APP: variants seen among roughly 807,000 people sequenced by gnomAD.
The protein encoded by APP is amyloid beta precursor protein.
APP carries 31 observed loss-of-function variants against 101.4 expected under a neutral mutation model. The observed-to-expected ratio is 0.31, with a 90% CI of 0.23 to 0.41. The LOEUF (loss-of-function observed/expected upper bound fraction) is 0.41, where lower values mean the gene tolerates loss of function less well. Among genes scored for constraint, APP ranks in the 10% least tolerant of loss-of-function variants. The pLI is 1.00. For synonymous variants in APP, 366 were observed against 364.4 expected (o/e 1.00, Z -0.05); for missense variants, 839 against 1,003.7 (o/e 0.84, Z 2.22).
At chr21:26,033,535 TGGA>T (rs1161984459) in intron 5 of APP, among the ~76,000 whole-genome samples, 1 of 152,038 alleles carries the variant, frequency 6.6e-6, no homozygotes, top group African/African-American at 2.4e-5. Flanking sequence ...CTCAGTATGG[TGGA>T]GGAGGGGGTG....
intron 8 of APP, among the ~76,000 whole-genome samples, chr21:25,995,112 G>A (rs535375982): frequency 7.2e-5 from 11 of 152,138 alleles, no homozygotes; most frequent in Non-Finnish European, 1.2e-4. Context: ...TGGAACAGTG[G>A]ATGATGAAAG....
At chr21:26,129,943 A>AT (rs1403061998) in intron 1 of APP, among the ~76,000 whole-genome samples, 1 of 152,244 alleles carries the variant, frequency 6.6e-6, no homozygotes, top group African/African-American at 2.4e-5. Context: ...AGTACTACAC[A>AT]TGCCTTGTGA....
intron 15 of APP, among the ~76,000 whole-genome samples, chr21:25,899,550 TCA>T (rs1382836939): frequency 2.6e-5 from 4 of 152,072 alleles, no homozygotes; most frequent in Admixed American, 6.6e-5. Context: ...ATTACAGAGT[TCA>T]CATGGTAAGA....
At chr21:26,116,586 TA>T (rs1295922374) in intron 1 of APP, among the ~76,000 whole-genome samples, 3 of 152,148 alleles carry the variant, frequency 2.0e-5, no homozygotes, top group African/African-American at 7.2e-5. Context: ...CAAAATTCCT[TA>T]TAGAGCAGGC....
intron 13 of APP, among the ~76,000 whole-genome samples, chr21:25,928,148 T>A (rs568982686): frequency 5.9e-5 from 9 of 152,090 alleles, no homozygotes; most frequent in Non-Finnish European, 1.2e-4. Flanking sequence ...ATCGACACCA[T>A]CCTGGCTAAC....
At chr21:25,987,073 G>A (rs1047926660) in intron 8 of APP, among the ~76,000 whole-genome samples, 1 of 152,186 alleles carries the variant, frequency 6.6e-6, no homozygotes, top group Non-Finnish European at 1.5e-5. Flanking sequence ...GTTTTGTTTT[G>A]TTAATGAGCA....
intron 15 of APP, among the ~76,000 whole-genome samples, chr21:25,903,269 T>C (rs2146289946): frequency 6.8e-6 from 1 of 147,130 alleles, no homozygotes; most frequent in East Asian, 2.0e-4. Flanking sequence ...CTTGAGAGGC[T>C]GGGGCACAAG....
In APP at chr21:25,881,774, GA is replaced by G; in HGVS notation, c.2212-4del. 1 of 1,613,106 alleles carries G rather than the reference GA, an allele frequency of 6.2e-7. No individual in the cohort carries two copies. Among genetic ancestry groups the G allele is most frequent in the South Asian group, 1.1e-5 (1 of 91,038 alleles). ...TCTGGGGTGACAGCGGCGTCAACCT[GA>G]AAAACAAGAGGAGAGCTGAGTAAAA... On this transcript the variant is annotated splice_region_variant and splice_polypyrimidine_tract_variant and intron_variant, in intron 17 of 17. Coordinates refer to ENST00000346798, the MANE Select transcript of APP (RefSeq NM_000484.4).
intron 1 of APP, among the ~76,000 whole-genome samples, chr21:26,146,492 A>G (rs1040352054): frequency 6.6e-6 from 1 of 152,160 alleles, no homozygotes; most frequent in Non-Finnish European, 1.5e-5. Context: ...TTTCCTGTGT[A>G]CTATAAAATT....
chr21:26,112,105 C>T lies in APP; in HGVS notation c.99G>A (p.Gln33=). 6.2e-7 allele frequency: 1 copy of T among 1,614,088 alleles called. No individual in the cohort carries two copies. The change falls in exon 2 of 18, where the codon CAG becomes CAA. Residue 33 remains glutamine (Q), a synonymous_variant. Transcript: ENST00000346798. ...TCAGTCTGCCACAGAACATGGCAATCTGGGGTTCAGCCAGCAGGCCAGCAT... is the reference window on the plus strand; with the variant it reads ...TCAGTCTGCCACAGAACATGGCAATTTGGGGTTCAGCCAGCAGGCCAGCAT... ...DGNAGLLAEP[Q]IAMFCGRLNM...
At position 26,146,327 on chromosome 21, in the gene APP, C is replaced by T. The variant is rs999006579; in HGVS notation, c.57+24237G>A. 2.0e-5 allele frequency among the ~76,000 whole-genome samples: 3 copies of T among 152,228 alleles called. No individual in the cohort carries two copies. In the South Asian group the frequency reaches 6.2e-4, roughly 32 times the overall value. On this transcript the variant is annotated intron_variant, in intron 1 of 17. Coordinates refer to ENST00000346798, the MANE Select transcript of APP (RefSeq NM_000484.4). ...CTCCAAGCAAAGAAATATCTGTTATCAATTGACAGTAGATGAAAATGCCAA... is the reference window on the plus strand; with the variant it reads ...CTCCAAGCAAAGAAATATCTGTTATTAATTGACAGTAGATGAAAATGCCAA...
chr21:25,910,869 G>C (rs1422125115), intron 14 of APP, among the ~76,000 whole-genome samples: 1 of 152,172 alleles, frequency 6.6e-6, no homozygotes, highest in Non-Finnish European at 1.5e-5. Context: ...GAAATTTCAT[G>C]TAAGAATAAG....
intron 3 of APP, among the ~76,000 whole-genome samples, chr21:26,082,556 T>C (rs542327511): frequency 3.9e-5 from 6 of 152,346 alleles, no homozygotes; most frequent in East Asian, 3.9e-4. Flanking sequence ...TTTTAAAAAC[T>C]ACTACTCTTA....
chr21:26,170,678 T>G lies in APP; in HGVS notation c.-58A>C. On this transcript the variant is annotated 5_prime_UTR_variant, in exon 1 of 18. Transcript: ENST00000346798. ...TGTGCGAGTGGGATCCGCCGCGTCC[T>G]TGCTCTGCCCGCGCCGCCACCGCCG... The G allele has an allele frequency of 2.7e-6, 4 of 1,471,284 alleles. No individual in the cohort carries two copies. The highest frequency in any genetic ancestry group is 3.6e-6 in the Non-Finnish European group (4 of 1,115,194). 91.1% of individuals were successfully genotyped at this position (1,471,284 alleles called of 1,614,324 possible). A position where few individuals can be genotyped will look rare whatever the true frequency, so the allele number is the denominator to read the frequency against.
chr21:26,083,015 C>G (rs557242046), intron 3 of APP, among the ~76,000 whole-genome samples: 1 of 151,972 alleles, frequency 6.6e-6, no homozygotes, highest in Admixed American at 6.6e-5. Flanking sequence ...AAATTACAGG[C>G]GCTTTTACTC....
intron 2 of APP, among the ~76,000 whole-genome samples, chr21:26,101,168 CG>C (rs1183711738): frequency 1.5e-5 from 2 of 136,898 alleles, no homozygotes; most frequent in African/African-American, 5.5e-5. Flanking sequence ...GGCGTGATCT[CG>C]GCCCACTGCA....
In APP at chr21:25,982,485, G is replaced by A; in HGVS notation, c.1091-8C>T. On this transcript the variant is annotated splice_polypyrimidine_tract_variant and splice_region_variant and intron_variant, in intron 8 of 17. Transcript: ENST00000346798. ...TGGCTGCTGTTGTAGGAACTATAAA[G>A]TAGAAGAGAAGGAGGTTTGAGAAAA... The A allele has an allele frequency of 6.2e-7, 1 of 1,613,462 alleles. No individual in the cohort carries two copies. The highest frequency in any genetic ancestry group is 8.5e-7 in the Non-Finnish European group (1 of 1,179,640).
chr21:26,109,864 CAT>C (rs2062272164), intron 2 of APP, among the ~76,000 whole-genome samples: 2 of 152,128 alleles, frequency 1.3e-5, no homozygotes, highest in African/African-American at 4.8e-5. Context: ...TGGTCAATGT[CAT>C]AAACTAAATT....
intron 4 of APP, among the ~76,000 whole-genome samples, chr21:26,051,437 T>TTTA (rs1377652352): frequency 1.3e-5 from 2 of 152,168 alleles, no homozygotes; most frequent in African/African-American, 4.8e-5. Context: ...ATAATAGAGG[T>TTTA]TTATACGAAC....
Sources: gnomAD v4.1 joint callset for allele counts (sites outside exome capture counted in the v4.1 genomes callset) on GRCh38, gnomAD v4.1.1 for gene constraint, MANE v1.5 for transcripts, NCBI Gene and HGNC (gene_info 2026-07-23, HGNC 2026-07-21) for gene names.